The following KPTN variants were observed in gnomAD, a reference collection of about 807,000 sequenced individuals.
The protein encoded by KPTN is kaptin, actin binding protein.
A neutral mutation model predicts 52.6 loss-of-function variants in KPTN; 36 were observed. The observed-to-expected ratio is 0.68, with a 90% confidence interval of 0.52 to 0.90. The LOEUF is 0.90. Among genes scored for constraint, KPTN ranks in the 40% least tolerant of loss-of-function variants. The probability of loss-of-function intolerance (pLI) is 0.00; values close to 1 mark genes in which losing one functional copy is unlikely to be tolerated. For synonymous variants in KPTN, 271 were observed against 248.4 expected (o/e 1.09, Z -0.85); for missense variants, 529 against 576.2 (o/e 0.92, Z 0.84).
In KPTN at chr19:47,479,885, C is replaced by A. The variant is rs2122687636; in HGVS notation, c.765G>T (p.Val255=). 6.2e-7 allele frequency: 1 copy of A among 1,613,588 alleles called. No homozygotes were observed. The highest frequency in any genetic ancestry group is 8.5e-7 in the Non-Finnish European group (1 of 1,179,794). ...CACCCTTGGCGGCCGAGAGGCTGAA[C>A]ACAATCACTCGGGAGATGGGACCGT... The part of the protein sequence containing the change: ...LQDGPISRVI[V]FSLSAAKETK... The change falls in exon 8 of 12, where the codon GTG becomes GTT. Residue 255 remains valine (V), a synonymous_variant. Coordinates refer to ENST00000338134, the MANE Select transcript of KPTN (RefSeq NM_007059.4).
chr19:47,475,334 C>G lies in KPTN; in HGVS notation c.*82G>C, dbSNP rs1967624324. Reference sequence around the variant, plus strand: ...GGAGGTCTGGGGAGAGCATCCTGTCCTTCAGGACACCCCCCACCAGCGGCT... The same window carrying G: ...GGAGGTCTGGGGAGAGCATCCTGTCGTTCAGGACACCCCCCACCAGCGGCT... On this transcript the variant is annotated 3_prime_UTR_variant, in exon 12 of 12. Coordinates refer to ENST00000338134, the MANE Select transcript of KPTN (RefSeq NM_007059.4). The G allele has an allele frequency of 6.6e-7, 1 of 1,524,722 alleles. No individual in the cohort carries two copies. The highest frequency in any genetic ancestry group is 1.8e-5 in the Admixed American group (1 of 55,394). 94.4% of individuals were successfully genotyped at this position (1,524,722 alleles called of 1,614,324 possible). A position where few individuals can be genotyped will look rare whatever the true frequency, so the allele number is the denominator to read the frequency against.
intron 7 of KPTN, among the ~76,000 whole-genome samples, 176 bp from the exon 8 acceptor site, chr19:47,480,116 C>G (rs1010139041): frequency 4.9e-5 from 6 of 121,468 alleles, no homozygotes; most frequent in Non-Finnish European, 1.7e-5. Flanking sequence ...CCCCCACTTC[C>G]CCTACCTCAC....
intron 11 of KPTN, chr19:47,476,133 C>A (rs1316377431): frequency 6.6e-6 from 1 of 151,920 alleles, no homozygotes; most frequent in African/African-American, 2.5e-5. Context: ...CATGGTGAAA[C>A]TCCGTCTCTA....
Position 47,480,309 on chromosome 19 carries a change from T to C in KPTN, c.698A>G (p.Gln233Arg). The change falls in exon 7 of 12, where the codon CAG (glutamine) becomes CGG (arginine). Residue 233 changes from glutamine to arginine, a missense_variant. Gln to Arg is a conservative substitution (Grantham distance 43). Transcript: ENST00000338134. ...SGYVRVAHVD[Q>R]RSREVLQMWS... is the part of the protein sequence containing the mutation. ...ACCGCGGCCCTCACCTCGACTCCGC[T>C]GGTCCACGTGGGCGACACGGACATA... 6.8e-7 allele frequency: 1 copy of C among 1,467,656 alleles called. No homozygotes were observed. The highest frequency in any genetic ancestry group is 9.1e-7 in the Non-Finnish European group (1 of 1,095,378). 90.9% of individuals were successfully genotyped at this position (1,467,656 alleles called of 1,614,324 possible).
At chr19:47,477,639 G>T in intron 9 of KPTN, 67 bp downstream of exon 9, 1 of 1,200,452 alleles carries the variant, frequency 8.3e-7, no homozygotes, top group South Asian at 1.2e-5. Flanking sequence ...TGTAGAGAAT[G>T]ACAAGGTTAG....
intron 1 of KPTN, 49 bp from the exon 2 acceptor site, chr19:47,483,633 A>T: frequency 7.3e-7 from 1 of 1,360,716 alleles, no homozygotes; most frequent in Non-Finnish European, 1.0e-6. Flanking sequence ...TCATGCTTCC[A>T]ATCTCCCCAA....
At chr19:47,481,098 C>T in intron 4 of KPTN, 65 bp from the exon 5 acceptor site, 2 of 1,336,614 alleles carry the variant, frequency 1.5e-6, no homozygotes, top group South Asian at 1.3e-5. Context: ...CCAGAACTCT[C>T]CTCTTGCAAA....
chr19:47,481,024 G>A lies in KPTN; in HGVS notation c.459C>T (p.Val153=), dbSNP rs1485007964. The change falls in exon 5 of 12, where the codon GTC becomes GTT. Residue 153 remains valine, a synonymous_variant. Transcript: ENST00000338134. ...PFQLCHAEVQ[V]GDQLETVFLL... is the part of the protein sequence containing the mutation. ...GAAACACAGTCTCAAGTTGATCCCC[G>A]ACCTGGACCCTGAAAGCAGAGAAAT... 1 of 1,581,848 alleles carries A rather than the reference G, an allele frequency of 6.3e-7. No homozygotes were observed. The highest frequency in any genetic ancestry group is 1.7e-4 in the Middle Eastern group (1 of 6,018).
intron 8 of KPTN, among the ~76,000 whole-genome samples, chr19:47,478,659 C>CA (rs1187520042): frequency 6.6e-6 from 1 of 150,974 alleles, no homozygotes; most frequent in African/African-American, 2.4e-5. Context: ...CCTAAGTGGC[C>CA]ATTGACTAAT....
chr19:47,480,484 C>G, intron 6 of KPTN, 77 bp from the exon 7 acceptor site: 1 of 1,057,200 alleles, frequency 9.5e-7, no homozygotes, highest in Non-Finnish European at 1.4e-6. Flanking sequence ...CCAGGGGCAG[C>G]CGCCCCTCCC....
chr19:47,480,434 G>A lies in KPTN; in HGVS notation c.600-27C>T, dbSNP rs1478744753. 8 of 1,487,854 alleles carry A rather than the reference G, an allele frequency of 5.4e-6. No individual in the cohort carries two copies. The South Asian group carries it at 6.4e-5, about 12-fold the overall frequency. The allele number at this position is 1,487,854 out of a possible 1,614,324, so 92.2% of individuals were successfully genotyped here. A position where few individuals can be genotyped will look rare whatever the true frequency, so the allele number is the denominator to read the frequency against. On this transcript the variant is annotated intron_variant, in intron 6 of 11. Transcript: ENST00000338134. The stretch of plus-strand genomic sequence containing the variant: ...TGGCGGGCGGGTGGATGGACAGGAC[G>A]GACGGCCATTGCTGGGCCCAGCCCC...
chr19:47,480,084 C>G (rs1967817746), intron 7 of KPTN, 144 bp from the exon 8 acceptor site: 5 of 620,304 alleles, frequency 8.1e-6, no homozygotes, highest in Non-Finnish European at 1.4e-5. Context: ...AGCCCCGCCC[C>G]CAATCCCCAC....
chr19:47,475,553 A>G lies in KPTN; in HGVS notation c.1183-9T>C. On this transcript the variant is annotated splice_polypyrimidine_tract_variant and intron_variant, in intron 11 of 11. Transcript: ENST00000338134. ...GCCTGAATCAGGCTGTGCTGTGGGG[A>G]ACAAGAGAATGAGGGGGATGGAGCT... 1 of 1,611,462 alleles carries G rather than the reference A, an allele frequency of 6.2e-7. No homozygotes were observed. Among genetic ancestry groups the G allele is most frequent in the East Asian group, 2.2e-5 (1 of 44,756 alleles).
At chr19:47,479,842 C>T (rs970775505) in intron 8 of KPTN, 21 bp downstream of exon 8, 2 of 1,597,122 alleles carry the variant, frequency 1.3e-6, no homozygotes, top group African/African-American at 2.7e-5. Flanking sequence ...CTCTCCCCAT[C>T]CCCTCAAACC....
intron 4 of KPTN, 38 bp from the exon 5 acceptor site, chr19:47,481,071 T>C (rs745792053): frequency 6.6e-6 from 10 of 1,505,014 alleles, no homozygotes; most frequent in South Asian, 1.2e-5. Flanking sequence ...GGTAGTGGAA[T>C]CCACATGGTC....
intron 6 of KPTN, 171 bp from the exon 7 acceptor site, chr19:47,480,578 G>A (rs1967842520): frequency 1.3e-6 from 1 of 751,532 alleles, no homozygotes; most frequent in Non-Finnish European, 2.2e-6. Flanking sequence ...CACCACCCGA[G>A]GGCTGAGTCC....
chr19:47,480,071 C>G, intron 7 of KPTN, 131 bp from the exon 8 acceptor site: 1 of 668,748 alleles, frequency 1.5e-6, no homozygotes, highest in Admixed American at 2.3e-5. Flanking sequence ...TCAACCCCAC[C>G]CTAGCCCCGC....
chr19:47,478,826 G>A (rs1204448128), intron 8 of KPTN, among the ~76,000 whole-genome samples: 1 of 152,188 alleles, frequency 6.6e-6, no homozygotes, highest in Non-Finnish European at 1.5e-5. Flanking sequence ...TCTCACAGAA[G>A]AGGGGGCCAA....
At chr19:47,480,152 TAGCCCCACCCGGCA>T (rs1199485338) in intron 7 of KPTN, 132 bp downstream of exon 7, 19 of 321,798 alleles carry the variant, frequency 5.9e-5, no homozygotes, top group Non-Finnish European at 1.0e-4. Flanking sequence ...GGCCCCACCC[TAGCCCCACCCGGCA>T]AGCCCCACCC....
Sources: gnomAD v4.1 joint callset for allele counts (sites outside exome capture counted in the v4.1 genomes callset) on GRCh38, gnomAD v4.1.1 for gene constraint, MANE v1.5 for transcripts, NCBI Gene and HGNC (gene_info 2026-07-23, HGNC 2026-07-21) for gene names.